Variants in ZNF407 observed in about 807,000 individuals in gnomAD.
The protein encoded by ZNF407 is zinc finger protein 407.
ZNF407 carries 17 observed loss-of-function variants against 131.2 expected under a neutral mutation model. The ratio of observed to expected loss-of-function variants is 0.13; its 90% CI spans 0.09 to 0.19. ZNF407 has a LOEUF of 0.19. Ranked by LOEUF, ZNF407 falls within the 10% of genes least tolerant of loss-of-function variation. ZNF407 has a pLI of 1.00. For missense variants in ZNF407, 2,681 were observed against 2,830.6 expected (o/e 0.95, Z 1.20); for synonymous variants, 1,156 against 1,062.0 (o/e 1.09, Z -1.72).
chr18:74,866,285 T>C (rs1407501546), intron 4 of ZNF407, among the ~76,000 whole-genome samples: 1 of 152,310 alleles, frequency 6.6e-6, no homozygotes, highest in East Asian at 1.9e-4. Flanking sequence ...CTCTTTGGAC[T>C]AAGGTCTCTG....
chr18:75,026,863 A>G (rs1333175222), intron 8 of ZNF407, among the ~76,000 whole-genome samples: 1 of 152,228 alleles, frequency 6.6e-6, no homozygotes, highest in Non-Finnish European at 1.5e-5. Context: ...ACAGTGGTTC[A>G]TCCATTAACT....
At chr18:74,825,024 G>A (rs978857668) in intron 4 of ZNF407, among the ~76,000 whole-genome samples, 8 of 152,148 alleles carry the variant, frequency 5.3e-5, no homozygotes, top group South Asian at 2.1e-4. Context: ...CGATCAAGTC[G>A]CCTTCATACC....
intron 5 of ZNF407, among the ~76,000 whole-genome samples, chr18:74,878,634 G>A (rs902569354): frequency 6.6e-6 from 1 of 152,020 alleles, no homozygotes; most frequent in African/African-American, 2.4e-5. Flanking sequence ...GACAGTGGCT[G>A]TTTTCTAATA....
rs538082187 is a variant in ZNF407 at position 74,989,997 on chromosome 18, T to G, written c.5428+69305T>G. 1.4e-3 allele frequency among the ~76,000 whole-genome samples: 216 copies of G among 152,338 alleles called. 1 individual carries two copies. The highest frequency in any genetic ancestry group is 2.2e-3 in the Non-Finnish European group (148 of 68,028). On this transcript the variant is annotated intron_variant, in intron 8 of 8. Coordinates refer to ENST00000299687, the MANE Select transcript of ZNF407 (RefSeq NM_017757.3). The stretch of plus-strand genomic sequence containing the variant: ...TCTCTGAAAATCAAACATCTAATAT[T>G]CAGCAGCTTGTACATGTCCTGTGCT...
rs1490331248 is a variant in ZNF407, at chr18:74,633,156, A to G, written c.2137A>G (p.Lys713Glu). ...GTTTCAGTGTAAGAAGTGTTTTTAT[A>G]AAACAAGATCTTCTACTGTTCTCAC... ...PQFQCKKCFY[K>E]TRSSTVLTRH... Residue 713 changes from lysine to glutamate, a missense_variant, in exon 2 of 9, where the codon AAA (lysine) becomes GAA (glutamate). Physicochemically the swap from Lys to Glu is moderately conservative, Grantham distance 56. Transcript: ENST00000299687. 1.2e-6 allele frequency: 2 copies of G among 1,613,130 alleles called. No homozygotes were observed. The highest frequency in any genetic ancestry group is 2.7e-5 in the African/African-American group (2 of 74,970).
At chr18:74,638,850 C>T (rs1048768868) in intron 2 of ZNF407, among the ~76,000 whole-genome samples, 5 of 151,960 alleles carry the variant, frequency 3.3e-5, no homozygotes, top group Non-Finnish European at 7.4e-5. Context: ...GCATTCATTT[C>T]GGAAAGTACA....
At chr18:75,046,354 C>G (rs935390087) in intron 8 of ZNF407, among the ~76,000 whole-genome samples, 4 of 152,146 alleles carry the variant, frequency 2.6e-5, no homozygotes, top group Non-Finnish European at 4.4e-5. Flanking sequence ...TTAGAGGGAG[C>G]TTGCAGACAT....
intron 3 of ZNF407, among the ~76,000 whole-genome samples, chr18:74,757,346 C>T (rs1324381419): frequency 6.6e-6 from 1 of 151,750 alleles, no homozygotes; most frequent in East Asian, 1.9e-4. Context: ...TTATATGTTC[C>T]ATATTTGTTT....
At chr18:74,721,715 C>T in intron 3 of ZNF407, among the ~76,000 whole-genome samples, 1 of 152,180 alleles carries the variant, frequency 6.6e-6, no homozygotes, top group Non-Finnish European at 1.5e-5. Context: ...TGTTTATTAC[C>T]ATTTAATGTA....
chr18:74,965,848 T>A (rs112606186), intron 8 of ZNF407, among the ~76,000 whole-genome samples: 3 of 152,204 alleles, frequency 2.0e-5, no homozygotes, highest in Admixed American at 1.3e-4. Context: ...ATATAAGCCA[T>A]TTTAACTGGA....
At chr18:74,754,339 CT>C (rs1361151631) in intron 3 of ZNF407, among the ~76,000 whole-genome samples, 1 of 151,966 alleles carries the variant, frequency 6.6e-6, no homozygotes, top group African/African-American at 2.4e-5. Context: ...TTTTGTGTCT[CT>C]TATTTCCTTC....
At position 74,845,186 on chromosome 18, in the gene ZNF407, T is replaced by C. The variant is rs72977426; in HGVS notation, c.4878-32011T>C. On this transcript the variant is annotated intron_variant, in intron 4 of 8. Transcript: ENST00000299687. ...TAAATTTCTTCATCGTAAATTAAAA[T>C]TTATAATAATTGAAAAGAAAGCACT... Among the ~76,000 whole-genome samples, 812 of 152,328 alleles carry C rather than the reference T, an allele frequency of 5.3e-3. 8 individuals are homozygous for C. Among genetic ancestry groups the C allele is most frequent in the Non-Finnish European group, 6.1e-3 (415 of 68,038 alleles).
intron 4 of ZNF407, among the ~76,000 whole-genome samples, chr18:74,838,044 A>G (rs1234425163): frequency 6.6e-6 from 1 of 152,096 alleles, no homozygotes; most frequent in East Asian, 1.9e-4. Flanking sequence ...TACAGATATT[A>G]TGTATTCTTT....
At position 75,021,398 on chromosome 18, in the gene ZNF407, T is replaced by C. The variant is rs140067965; in HGVS notation, c.5429-41752T>C. On this transcript the variant is annotated intron_variant, in intron 8 of 8. Transcript: ENST00000299687. ...GATCCTCCCTCCTCAGCCTCCTGAG[T>C]AGCTGGTACCACAGGCACTCACCAC... Among the ~76,000 whole-genome samples the C allele has an allele frequency of 8.3e-3, 1,256 of 152,038 alleles. 18 individuals carry two copies. Among genetic ancestry groups the C allele is most frequent in the African/African-American group, 0.029 (1,183 of 41,474 alleles).
rs76647485 is a variant in ZNF407, at chr18:74,662,868, T to C, written c.4802+21746T>C. ...AGAACTGTCTGCCTAATGGATTTCTTTACATAGATGTCTGCATGGAGGTAG... is the reference window on the plus strand; with the variant it reads ...AGAACTGTCTGCCTAATGGATTTCTCTACATAGATGTCTGCATGGAGGTAG... On this transcript the variant is annotated intron_variant, in intron 3 of 8. Transcript: ENST00000299687. 3.0e-4 allele frequency among the ~76,000 whole-genome samples: 45 copies of C among 152,344 alleles called. No homozygotes were observed. The East Asian group carries it at 8.1e-3, about 27-fold the overall frequency.
At chr18:75,018,948 T>G (rs968477980) in intron 8 of ZNF407, among the ~76,000 whole-genome samples, 3 of 152,092 alleles carry the variant, frequency 2.0e-5, no homozygotes, top group Non-Finnish European at 4.4e-5. Flanking sequence ...CTATTACCAG[T>G]TTCATAAACC....
intron 4 of ZNF407, among the ~76,000 whole-genome samples, chr18:74,863,006 C>T (rs376405135): frequency 2.6e-5 from 4 of 151,690 alleles, no homozygotes; most frequent in South Asian, 4.2e-4. Context: ...TTGCAACCTC[C>T]GCCTCCCAGG....
chr18:74,835,326 G>T (rs746368946), intron 4 of ZNF407, among the ~76,000 whole-genome samples: 4 of 152,172 alleles, frequency 2.6e-5, no homozygotes, highest in Non-Finnish European at 5.9e-5. Flanking sequence ...AGGGAAGACG[G>T]TTCAGTTCAC....
At chr18:74,864,051 T>C (rs1970975983) in intron 4 of ZNF407, among the ~76,000 whole-genome samples, 1 of 151,084 alleles carries the variant, frequency 6.6e-6, no homozygotes, top group Admixed American at 6.6e-5. Context: ...TTAAATAGCA[T>C]TTGGAGTGCA....
Sources: allele counts gnomAD v4.1 joint callset (sites outside exome capture counted in the v4.1 genomes callset), GRCh38; gene constraint gnomAD v4.1.1; transcripts MANE v1.5; gene names NCBI Gene and HGNC (gene_info 2026-07-23, HGNC 2026-07-21).